Variants in SMCHD1 observed in about 807,000 individuals in gnomAD.
The protein encoded by SMCHD1 is structural maintenance of chromosomes flexible hinge domain-containing protein 1.
A neutral mutation model predicts 254.7 loss-of-function variants in SMCHD1; 78 were observed. That is an observed-to-expected ratio of 0.31 (90% confidence interval 0.26 to 0.37). SMCHD1 has a LOEUF of 0.37. Ranked by LOEUF, SMCHD1 falls within the 10% of genes least tolerant of loss-of-function variation. The pLI is 1.00. For missense variants in SMCHD1, 1,840 were observed against 2,408.1 expected, an observed-to-expected ratio of 0.76 and a Z score of 4.94; for synonymous variants, 766 against 794.9, an observed-to-expected ratio of 0.96 and a Z score of 0.61.
chr18:2,690,114 A>G (rs571189522), intron 7 of SMCHD1, among the ~76,000 whole-genome samples: 1 of 152,294 alleles, frequency 6.6e-6, no homozygotes, highest in East Asian at 1.9e-4. Context: ...AAGCCTAAGG[A>G]AGATAAAAAT....
chr18:2,752,711 T>G, intron 34 of SMCHD1, 159 bp downstream of exon 34: 2 of 570,236 alleles, frequency 3.5e-6, no homozygotes, highest in South Asian at 4.4e-5. Context: ...AAAGGTGTGT[T>G]TTCGTTTTTA....
intron 45 of SMCHD1, among the ~76,000 whole-genome samples, chr18:2,787,988 A>G (rs1334703080): frequency 6.6e-6 from 1 of 152,196 alleles, no homozygotes; most frequent in Non-Finnish European, 1.5e-5. Flanking sequence ...AAGTTTTAAT[A>G]TAACTTAACT....
chr18:2,707,509 TAA>T (rs2074546151), intron 15 of SMCHD1, 52 bp from the exon 16 acceptor site: 13 of 1,057,638 alleles, frequency 1.2e-5, no homozygotes, highest in Admixed American at 6.9e-5. Context: ...TCTTTTTAAT[TAA>T]GATCATAATT....
chr18:2,681,011 A>G (rs1439985703), intron 5 of SMCHD1, among the ~76,000 whole-genome samples: 1 of 152,198 alleles, frequency 6.6e-6, no homozygotes, highest in African/African-American at 2.4e-5. Context: ...CACACCTGTA[A>G]TGCCAGCACT....
chr18:2,709,391 TG>T (rs1249494601), intron 17 of SMCHD1, among the ~76,000 whole-genome samples: 4 of 152,138 alleles, frequency 2.6e-5, no homozygotes, highest in Non-Finnish European at 2.9e-5. Context: ...GTCTCCGCTT[TG>T]GTTCCTTTTA....
At chr18:2,759,076 C>G (rs2075734025) in intron 34 of SMCHD1, among the ~76,000 whole-genome samples, 1 of 152,102 alleles carries the variant, frequency 6.6e-6, no homozygotes, top group Non-Finnish European at 1.5e-5. Flanking sequence ...TAAAGTCTGC[C>G]TAGAGTTCCT....
chr18:2,657,547 G>T (rs151299192), intron 1 of SMCHD1, among the ~76,000 whole-genome samples: 51 of 152,248 alleles, frequency 3.3e-4, no homozygotes, highest in African/African-American at 1.2e-3. Flanking sequence ...GGAACCAGAG[G>T]GGGGAAACAA....
intron 23 of SMCHD1, chr18:2,728,802 A>G (rs1478877470): frequency 1.5e-5 from 7 of 470,980 alleles, no homozygotes; most frequent in African/African-American, 2.0e-5. Flanking sequence ...AGTTTCATAA[A>G]TTTGTGAATA....
At chr18:2,731,870 G>A (rs2075147058) in intron 24 of SMCHD1, among the ~76,000 whole-genome samples, 1 of 152,134 alleles carries the variant, frequency 6.6e-6, no homozygotes, top group African/African-American at 2.4e-5. Flanking sequence ...AATTATCCAT[G>A]CATGGTGGTA....
At chr18:2,665,293 C>A (rs1034384148) in intron 1 of SMCHD1, among the ~76,000 whole-genome samples, 1 of 151,170 alleles carries the variant, frequency 6.6e-6, no homozygotes, top group African/African-American at 2.4e-5. Flanking sequence ...TCCTTGTCAC[C>A]CTTTTGTTTC....
chr18:2,778,352 C>A, intron 44 of SMCHD1, 113 bp downstream of exon 44: 5 of 684,664 alleles, frequency 7.3e-6, no homozygotes, highest in Non-Finnish European at 7.0e-6. Flanking sequence ...TTAAATTCTG[C>A]AAATTGATAA....
At chr18:2,693,059 A>G (rs1303946425) in intron 7 of SMCHD1, among the ~76,000 whole-genome samples, 1 of 152,212 alleles carries the variant, frequency 6.6e-6, no homozygotes, top group Admixed American at 6.5e-5. Flanking sequence ...TTGAAGGGGT[A>G]TGGTCTTAAG....
chr18:2,769,667 TC>T (rs1568350113), intron 37 of SMCHD1, 26 bp from the exon 38 acceptor site: 3 of 1,571,750 alleles, frequency 1.9e-6, no homozygotes, highest in Non-Finnish European at 2.6e-6. Context: ...AATCTTGTTT[TC>T]CCCTATTGTT....
At chr18:2,704,621 T>TA (rs2074474468) in intron 13 of SMCHD1, among the ~76,000 whole-genome samples, 1 of 151,740 alleles carries the variant, frequency 6.6e-6, no homozygotes. Context: ...TTTTTTTTTT[T>TA]TACTTTGGTT....
intron 3 of SMCHD1, among the ~76,000 whole-genome samples, chr18:2,667,608 C>G (rs1008086927): frequency 6.6e-6 from 1 of 152,026 alleles, no homozygotes; most frequent in African/African-American, 2.4e-5. Flanking sequence ...TTATTTTTTT[C>G]TCATTATATG....
chr18:2,666,661 G>A lies in SMCHD1; in HGVS notation c.263-209G>A, dbSNP rs1177169756. Among the ~76,000 whole-genome samples, 4 of 152,150 alleles carry A rather than the reference G, an allele frequency of 2.6e-5. No individual in the cohort carries two copies. The East Asian group carries it at 7.7e-4, about 29-fold the overall frequency. The stretch of plus-strand genomic sequence containing the variant: ...TTCCTGTGATAGTTTAACTTATTAA[G>A]AATTGAGTGTTTCAAATGAATGGAA... On this transcript the variant is annotated intron_variant, in intron 2 of 47. Coordinates refer to ENST00000320876, the MANE Select transcript of SMCHD1 (RefSeq NM_015295.3).
At chr18:2,705,559 A>G (rs1393747641) in intron 13 of SMCHD1, 135 bp from the exon 14 acceptor site, 2 of 428,502 alleles carry the variant, frequency 4.7e-6, no homozygotes, top group Non-Finnish European at 4.1e-6. Context: ...TGCTGTTTTC[A>G]TTAGTTTTTC....
In SMCHD1 at chr18:2,743,879, C is replaced by G; in HGVS notation, c.3752C>G (p.Ser1251Cys). 6.2e-7 allele frequency: 1 copy of G among 1,613,166 alleles called. No homozygotes were observed. The highest frequency in any genetic ancestry group is 8.5e-7 in the Non-Finnish European group (1 of 1,179,536). ...FSDFIRVQLISGPPAKLLLID... is the reference protein window; with the variant it reads ...FSDFIRVQLICGPPAKLLLID... ...GACTTTATTCGAGTGCAACTAATTTCTGGACCTCCTGCTAAACTTCTCCTT... is the reference window on the plus strand; with the variant it reads ...GACTTTATTCGAGTGCAACTAATTTGTGGACCTCCTGCTAAACTTCTCCTT... Residue 1251 changes from serine to cysteine, a missense_variant, in exon 29 of 48, where the codon TCT becomes TGT. Physicochemically the swap from Ser to Cys is moderately radical, Grantham distance 112. Around this residue, in one of 9 missense-constraint regions of SMCHD1, gnomAD observed 881 missense variants for 1,009.5 expected, o/e 0.87. Transcript: ENST00000320876.
intron 24 of SMCHD1, among the ~76,000 whole-genome samples, chr18:2,730,526 G>A (rs1000992132): frequency 5.3e-5 from 8 of 152,140 alleles, no homozygotes; most frequent in East Asian, 3.8e-4. Context: ...GTGATTCATC[G>A]TGGCTGATAG....
Sources: allele counts gnomAD v4.1 joint callset (sites outside exome capture counted in the v4.1 genomes callset), GRCh38; gene constraint gnomAD v4.1.1; regional missense constraint gnomAD v4.1.1; transcripts MANE v1.5; gene names NCBI Gene and HGNC (gene_info 2026-07-23, HGNC 2026-07-21).